The following DLGAP2 variants were observed in gnomAD, a reference collection of about 807,000 sequenced individuals.
DLGAP2 encodes disks large-associated protein 2.
Under a neutral mutation model 100.3 loss-of-function variants are expected in DLGAP2, and 26 were observed. That is an observed-to-expected ratio of 0.26 (90% CI 0.19 to 0.36). DLGAP2 has a LOEUF of 0.36. Ranked by LOEUF, DLGAP2 falls within the 10% of genes least tolerant of loss-of-function variation. The probability of loss-of-function intolerance (pLI) is 1.00; values close to 1 mark genes in which losing one functional copy is unlikely to be tolerated. For synonymous variants in DLGAP2, 886 were observed against 630.1 expected (o/e 1.41, Z -6.08); for missense variants, 1,858 against 1,453.2 (o/e 1.28, Z -4.53).
chr8:988,282 A>G (rs1412003053), intron 2 of DLGAP2, among the ~76,000 whole-genome samples: 1 of 152,234 alleles, frequency 6.6e-6, no homozygotes, highest in East Asian at 1.9e-4. Flanking sequence ...CATTTTAAAA[A>G]GCAAATAGAT....
At chr8:1,256,928 G>T (rs1180630458) in intron 2 of DLGAP2, among the ~76,000 whole-genome samples, 1 of 152,086 alleles carries the variant, frequency 6.6e-6, no homozygotes, top group African/African-American at 2.4e-5. Context: ...GTGGCCCCGT[G>T]TGTGGACCAT....
At chr8:1,334,894 C>T (rs1801239430) in intron 3 of DLGAP2, among the ~76,000 whole-genome samples, 1 of 152,184 alleles carries the variant, frequency 6.6e-6, no homozygotes, top group African/African-American at 2.4e-5. Context: ...TCTTTCTTCT[C>T]CTCCCCGCCT....
intron 2 of DLGAP2, among the ~76,000 whole-genome samples, chr8:927,788 A>G (rs1479839110): frequency 2.6e-5 from 4 of 152,104 alleles, no homozygotes; most frequent in Admixed American, 1.3e-4. Context: ...GTTCCTGGAG[A>G]TTATAGTTAG....
Position 1,066,850 on chromosome 8 carries a change from C to T in DLGAP2, c.73+158884C>T, listed in dbSNP as rs765090594. 2.4e-4 allele frequency among the ~76,000 whole-genome samples: 36 copies of T among 152,324 alleles called. 1 individual carries two copies. Among genetic ancestry groups the T allele is most frequent in the Admixed American group, 3.3e-4 (5 of 15,306 alleles). ...ACCCTGATGGGACGTGGGAGAGCTG[C>T]GGCCCAGTATAGTCTCAGTCCCAAT... On this transcript the variant is annotated intron_variant, in intron 2 of 14. Coordinates refer to ENST00000637795, the MANE Select transcript of DLGAP2 (RefSeq NM_001346810.2).
intron 12 of DLGAP2, among the ~76,000 whole-genome samples, chr8:1,682,932 G>A (rs55945388): frequency 0.033 from 4,934 of 151,472 alleles, 310 homozygotes; most frequent in Non-Finnish European, 0.046. Context: ...GTTTTGTTTT[G>A]TCTTGTTTTT....
chr8:779,031 A>G (rs1318556250), intron 1 of DLGAP2, among the ~76,000 whole-genome samples: 1 of 151,124 alleles, frequency 6.6e-6, no homozygotes, highest in Non-Finnish European at 1.5e-5. Context: ...GGTGCAGGAT[A>G]TAATCTTGTG....
At chr8:1,583,640 C>G (rs1030040645) in intron 6 of DLGAP2, among the ~76,000 whole-genome samples, 1 of 152,152 alleles carries the variant, frequency 6.6e-6, no homozygotes, top group Non-Finnish European at 1.5e-5. Context: ...GCAGTCCTGA[C>G]GTTTTTGCCT....
Position 1,260,075 on chromosome 8 carries a change from C to T in DLGAP2, c.106+1192C>T, listed in dbSNP as rs146293002. Among the ~76,000 whole-genome samples, 79 of 152,102 alleles carry T rather than the reference C, an allele frequency of 5.2e-4. No homozygotes were observed. The East Asian group carries it at 0.012, about 24-fold the overall frequency. On this transcript the variant is annotated intron_variant, in intron 3 of 14. Coordinates refer to ENST00000637795, the MANE Select transcript of DLGAP2 (RefSeq NM_001346810.2). Reference sequence around the variant, plus strand: ...CAGTCAGGTGGGTGGGGGCTGTTCCCGGGTGGAGCCTGGGATGCTGGTCTG... The same window carrying T: ...CAGTCAGGTGGGTGGGGGCTGTTCCTGGGTGGAGCCTGGGATGCTGGTCTG...
chr8:792,830 A>G (rs928970092), intron 1 of DLGAP2, among the ~76,000 whole-genome samples: 2 of 152,238 alleles, frequency 1.3e-5, no homozygotes, highest in Admixed American at 1.3e-4. Flanking sequence ...TTATTTTAAT[A>G]CAGTGTTGGA....
rs1191019452 is a variant in DLGAP2 at position 872,333 on chromosome 8, C to CTT, written c.19-35563_19-35562dup. On this transcript the variant is annotated intron_variant, in intron 1 of 14. Transcript: ENST00000637795. ...AGGAAAGTTTTCTCTCACTTCTTTTCTTTTTTTTTTTTTTTTTGAGACAGA... is the reference window on the plus strand; with the variant it reads ...AGGAAAGTTTTCTCTCACTTCTTTTCTTTTTTTTTTTTTTTTTTTGAGACAGA... 1.4e-4 allele frequency among the ~76,000 whole-genome samples: 14 copies of CTT among 100,162 alleles called. 1 individual carries two copies. The highest frequency in any genetic ancestry group is 4.8e-4 in the African/African-American group (13 of 27,114). The allele number at this position is 100,162 out of a possible 152,430, so 65.7% of individuals were successfully genotyped here.
chr8:1,701,001 C>T (rs955926659), intron 14 of DLGAP2, among the ~76,000 whole-genome samples, 187 bp from the exon 15 acceptor site: 1 of 152,196 alleles, frequency 6.6e-6, no homozygotes, highest in Non-Finnish European at 1.5e-5. Context: ...CAAATCCCAT[C>T]CTGTGCAGAA....
chr8:806,401 G>T (rs930919936), intron 1 of DLGAP2, among the ~76,000 whole-genome samples: 1 of 152,184 alleles, frequency 6.6e-6, no homozygotes, highest in Non-Finnish European at 1.5e-5. Context: ...TGTGAGTGGC[G>T]TGCGCGTCTC....
At chr8:1,059,335 C>T (rs915434864) in intron 2 of DLGAP2, among the ~76,000 whole-genome samples, 1 of 117,212 alleles carries the variant, frequency 8.5e-6, no homozygotes. Flanking sequence ...CTGCCTTCTC[C>T]GTGGAGAAGG....
intron 1 of DLGAP2, among the ~76,000 whole-genome samples, chr8:887,196 CT>C (rs934799887): frequency 1.1e-3 from 155 of 144,458 alleles, no homozygotes; most frequent in Middle Eastern, 3.6e-3. Flanking sequence ...GCAACCCCTG[CT>C]TTTTTTTTTT....
chr8:988,323 A>G (rs1800546361), intron 2 of DLGAP2, among the ~76,000 whole-genome samples: 1 of 152,210 alleles, frequency 6.6e-6, no homozygotes, highest in South Asian at 2.1e-4. Context: ...GGAATCTAGA[A>G]GTGAAACTGA....
intron 6 of DLGAP2, among the ~76,000 whole-genome samples, chr8:1,599,905 C>G (rs866822811): frequency 4.6e-5 from 7 of 152,200 alleles, no homozygotes; most frequent in Middle Eastern, 3.4e-3. Context: ...TGAATTTGAT[C>G]CTGTCATTAT....
intron 1 of DLGAP2, among the ~76,000 whole-genome samples, chr8:828,662 C>A (rs530284342): frequency 6.6e-6 from 1 of 152,158 alleles, no homozygotes; most frequent in Non-Finnish European, 1.5e-5. Flanking sequence ...AAAGTAAAGA[C>A]AGGCATAGGA....
chr8:1,271,698 A>G (rs1394463612), intron 3 of DLGAP2, among the ~76,000 whole-genome samples: 1 of 152,244 alleles, frequency 6.6e-6, no homozygotes, highest in Admixed American at 6.5e-5. Flanking sequence ...GGTGTCTGCC[A>G]GGGCTCAGGG....
chr8:1,634,746 G>A (rs34812713), intron 8 of DLGAP2, among the ~76,000 whole-genome samples: 8 of 151,910 alleles, frequency 5.3e-5, no homozygotes, highest in African/African-American at 1.5e-4. Flanking sequence ...TCATTACCTC[G>A]TAGAAAAGGA....
Sources: gnomAD v4.1 joint callset for allele counts (sites outside exome capture counted in the v4.1 genomes callset) on GRCh38, gnomAD v4.1.1 for gene constraint, MANE v1.5 for transcripts, NCBI Gene and HGNC (gene_info 2026-07-23, HGNC 2026-07-21) for gene names.